Variants in NLRP14 observed in about 807,000 individuals in gnomAD.
NLRP14 encodes NACHT, LRR and PYD domains-containing protein 14.
A neutral mutation model predicts 94.7 loss-of-function variants in NLRP14; 105 were observed. That is an observed-to-expected ratio of 1.11 (90% confidence interval 0.95 to 1.30). The LOEUF (loss-of-function observed/expected upper bound fraction) is 1.30, where lower values mean the gene tolerates loss of function less well. NLRP14 is among the 50% of genes most tolerant of loss of function. The pLI, the probability that NLRP14 is intolerant of heterozygous loss-of-function variation, is 0.00. For synonymous variants in NLRP14, 508 were observed against 459.9 expected (o/e 1.10, Z -1.34); for missense variants, 1,362 against 1,254.1 (o/e 1.09, Z -1.30).
At chr11:7,089,048 C>T in the NLRP14 span, 17 of 1,527,800 alleles carry the variant, frequency 1.1e-5, no homozygotes, top group African/African-American at 1.4e-5. Flanking sequence ...CCTCGACGAG[C>T]GAGCTCGAAG....
In NLRP14 at chr11:7,042,668, T is replaced by G; in HGVS notation, c.642T>G (p.Phe214Leu). 6.2e-7 allele frequency: 1 copy of G among 1,614,256 alleles called. No individual in the cohort carries two copies. Among genetic ancestry groups the G allele is most frequent in the African/African-American group, 1.3e-5 (1 of 75,078 alleles). ...SLYQQRFKYV[F>L]YLNGREINQL... ...ACCAGCAGAGGTTTAAGTATGTTTT[T>G]TATCTCAATGGGAGAGAAATTAACC... Residue 214 changes from phenylalanine to leucine, a missense_variant, in exon 4 of 12, where the codon TTT (phenylalanine) becomes TTG (leucine). Transcript: ENST00000299481.
chr11:7,035,805 T>C (rs371274375), intron 1 of NLRP14, among the ~76,000 whole-genome samples: 5 of 152,302 alleles, frequency 3.3e-5, no homozygotes, highest in African/African-American at 1.2e-4. Context: ...TCTTCTAGTC[T>C]GGTGTTCAGC....
chr11:7,084,681 T>C, the NLRP14 span, among the ~76,000 whole-genome samples: 2 of 152,224 alleles, frequency 1.3e-5, no homozygotes, highest in South Asian at 4.1e-4. Flanking sequence ...ATGTATATCT[T>C]CATCTGTTGT....
At chr11:7,025,601 T>A (rs1251978906) in intron 1 of NLRP14, among the ~76,000 whole-genome samples, 1 of 152,160 alleles carries the variant, frequency 6.6e-6, no homozygotes, top group Non-Finnish European at 1.5e-5. Context: ...AAAGAAACTC[T>A]CAGAGTCACT....
intron 1 of NLRP14, among the ~76,000 whole-genome samples, chr11:7,032,116 C>A (rs1012129010): frequency 1.8e-4 from 27 of 152,142 alleles, no homozygotes; most frequent in African/African-American, 6.0e-4. Context: ...CTTTTTATTT[C>A]TCCACTTATT....
chr11:7,038,518 T>G, intron 1 of NLRP14, 48 bp from the exon 2 acceptor site: 2 of 1,401,404 alleles, frequency 1.4e-6, no homozygotes, highest in East Asian at 4.6e-5. Context: ...CTTTTTCATG[T>G]GTCCCATTTA....
chr11:7,085,955 A>G, the NLRP14 span, among the ~76,000 whole-genome samples: 1 of 152,204 alleles, frequency 6.6e-6, no homozygotes, highest in African/African-American at 2.4e-5. Flanking sequence ...CTGTCAATGG[A>G]CACTTGCATT....
chr11:7,047,683 G>T (rs1852376645), intron 5 of NLRP14, among the ~76,000 whole-genome samples: 1 of 150,932 alleles, frequency 6.6e-6, no homozygotes, highest in African/African-American at 2.4e-5. Flanking sequence ...CCAGAGTTCA[G>T]CTTTGTATCT....
At position 7,042,501 on chromosome 11, in the gene NLRP14, A is replaced by G; in HGVS notation, c.475A>G (p.Arg159Gly). 1 of 1,614,178 alleles carries G rather than the reference A, an allele frequency of 6.2e-7. No individual in the cohort carries two copies. Among genetic ancestry groups the G allele is most frequent in the Non-Finnish European group, 8.5e-7 (1 of 1,179,962 alleles). The change falls in exon 4 of 12, where the codon AGA (arginine) becomes GGA (glycine). Residue 159 changes from arginine to glycine, a missense_variant. Transcript: ENST00000299481. The part of the protein sequence containing the change: ...DFHHGIAEKD[R>G]KLLEHLFDVD... The stretch of plus-strand genomic sequence containing the variant: ...CCATCATGGAATTGCAGAGAAAGAT[A>G]GAAAACTGTTGGAACACTTGTTCGA...
At chr11:7,074,704 T>G (rs1852852320), downstream of NLRP14, among the ~76,000 whole-genome samples, 2 of 152,230 alleles carry the variant, frequency 1.3e-5, no homozygotes, top group African/African-American at 4.8e-5. Flanking sequence ...AAGTCTCAAA[T>G]CATCAGGATT....
intron 10 of NLRP14, among the ~76,000 whole-genome samples, chr11:7,063,214 C>A (rs1197620560): frequency 6.6e-6 from 1 of 152,054 alleles, no homozygotes; most frequent in Non-Finnish European, 1.5e-5. Flanking sequence ...TACTTACAAC[C>A]TAATAAATTC....
chr11:7,085,979 G>A, the NLRP14 span, among the ~76,000 whole-genome samples: 1 of 152,150 alleles, frequency 6.6e-6, no homozygotes, highest in Non-Finnish European at 1.5e-5. Flanking sequence ...CCCACTTCTT[G>A]GCTGTTGTGA....
At chr11:7,050,782 A>C (rs966580003) in intron 6 of NLRP14, among the ~76,000 whole-genome samples, 6 of 152,224 alleles carry the variant, frequency 3.9e-5, no homozygotes, top group African/African-American at 1.4e-4. Context: ...ACATAGGTTG[A>C]GTTCAGTTGT....
intron 3 of NLRP14, among the ~76,000 whole-genome samples, chr11:7,041,052 A>G (rs1852241031): frequency 6.6e-6 from 1 of 152,200 alleles, no homozygotes; most frequent in Admixed American, 6.5e-5. Flanking sequence ...AAAATAGAAA[A>G]TAAGAAGTAC....
the NLRP14 span, chr11:7,088,903 G>A: frequency 6.7e-6 from 4 of 594,446 alleles, no homozygotes; most frequent in South Asian, 8.0e-5. Flanking sequence ...CAAAACTGCC[G>A]ACTTTCCCGA....
chr11:7,031,360 G>C (rs1262489003), intron 1 of NLRP14, among the ~76,000 whole-genome samples: 4 of 152,186 alleles, frequency 2.6e-5, no homozygotes, highest in Admixed American at 1.3e-4. Context: ...GGGCCCAAGA[G>C]GATGAGCTGC....
Position 7,038,684 on chromosome 11 carries a change from T to C in NLRP14, c.98T>C (p.Phe33Ser). 1 of 1,613,984 alleles carries C rather than the reference T, an allele frequency of 6.2e-7. No individual in the cohort carries two copies. The highest frequency in any genetic ancestry group is 8.5e-7 in the Non-Finnish European group (1 of 1,179,880). Reference protein sequence around the residue: ...NKEELNTFKLFLKETMEPEHG... With the variant: ...NKEELNTFKLSLKETMEPEHG... Reference sequence around the variant, plus strand: ...GAGGAATTAAATACATTCAAGTTATTCCTAAAGGAGACCATGGAACCTGAG... The same window carrying C: ...GAGGAATTAAATACATTCAAGTTATCCCTAAAGGAGACCATGGAACCTGAG... Residue 33 changes from phenylalanine (F) to serine (S), a missense_variant, in exon 2 of 12, where the codon TTC (phenylalanine) becomes TCC (serine). Phe to Ser is a radical substitution (Grantham distance 155). Transcript: ENST00000299481.
intron 1 of NLRP14, among the ~76,000 whole-genome samples, 185 bp downstream of exon 1, chr11:7,020,955 TG>T (rs1486569073): frequency 6.6e-6 from 1 of 152,234 alleles, no homozygotes; most frequent in African/African-American, 2.4e-5. Flanking sequence ...CTCAGTGTCC[TG>T]GGACCACAGA....
chr11:7,054,982 A>G (rs1251563733), intron 6 of NLRP14, among the ~76,000 whole-genome samples: 1 of 152,128 alleles, frequency 6.6e-6, no homozygotes, highest in Non-Finnish European at 1.5e-5. Context: ...ATTTTTGTAT[A>G]TGTTGAGAGA....
Sources: allele counts gnomAD v4.1 joint callset (sites outside exome capture counted in the v4.1 genomes callset), GRCh38; gene constraint gnomAD v4.1.1; transcripts MANE v1.5; gene names NCBI Gene and HGNC (gene_info 2026-07-23, HGNC 2026-07-21).